The following ARHGAP12 variants were observed in gnomAD, a reference collection of about 807,000 sequenced individuals.
ARHGAP12 encodes the protein rho GTPase-activating protein 12.
In ARHGAP12, 64 loss-of-function variants were observed where a neutral mutation model predicts 108.6. The observed-to-expected ratio is 0.59, with a 90% CI of 0.48 to 0.73. The LOEUF (loss-of-function observed/expected upper bound fraction) is 0.73, where lower values mean the gene tolerates loss of function less well. Among genes scored for constraint, ARHGAP12 ranks in the 30% least tolerant of loss-of-function variants. The pLI, the probability that ARHGAP12 is intolerant of heterozygous loss-of-function variation, is 0.00. For missense variants in ARHGAP12, 940 were observed against 1,005.9 expected (o/e 0.93, Z 0.89); for synonymous variants, 312 against 337.2 (o/e 0.93, Z 0.82).
At chr10:31,910,960 A>G (rs771498141) in intron 1 of ARHGAP12, among the ~76,000 whole-genome samples, 3 of 152,232 alleles carry the variant, frequency 2.0e-5, no homozygotes, top group Non-Finnish European at 4.4e-5. Context: ...ACGTATGTTA[A>G]AAGTTATTAG....
At chr10:31,887,451 A>G (rs1008960155) in intron 3 of ARHGAP12, among the ~76,000 whole-genome samples, 7 of 152,174 alleles carry the variant, frequency 4.6e-5, no homozygotes, top group Non-Finnish European at 7.3e-5. Flanking sequence ...TCACAAGTTC[A>G]CCCCTTGCCA....
intron 12 of ARHGAP12, 69 bp downstream of exon 12, chr10:31,820,318 T>C (rs904384951): frequency 6.3e-6 from 8 of 1,275,416 alleles, no homozygotes; most frequent in Non-Finnish European, 8.6e-6. Flanking sequence ...TTTCCCAAAA[T>C]AGCTCAAAAA....
intron 9 of ARHGAP12, among the ~76,000 whole-genome samples, chr10:31,835,390 T>C (rs538396329): frequency 2.0e-4 from 30 of 152,282 alleles, no homozygotes; most frequent in African/African-American, 7.2e-4. Context: ...TTGGTCTAAG[T>C]ATTTGATACT....
rs1413385667 is a variant in ARHGAP12, at chr10:31,861,543, A to C, written c.800T>G (p.Ile267Ser). Reference protein sequence around the residue: ...PPLPGSPAIQINGEWETHKDS... With the variant: ...PPLPGSPAIQSNGEWETHKDS... ...TTTATGAGTTTCCCATTCTCCATTA[A>C]TCTGAATTGCCGGGCTCCCAGGAAG... is the stretch of plus-strand genomic sequence containing the variant. Residue 267 changes from isoleucine (I) to serine (S), a missense_variant, in exon 4 of 20, where the codon ATT (isoleucine) becomes AGT (serine). Coordinates refer to ENST00000344936, the MANE Select transcript of ARHGAP12 (RefSeq NM_018287.7). 6.2e-7 allele frequency: 1 copy of C among 1,614,184 alleles called. No individual in the cohort carries two copies.
At chr10:31,895,950 G>A (rs1050809740) in intron 3 of ARHGAP12, among the ~76,000 whole-genome samples, 3 of 152,132 alleles carry the variant, frequency 2.0e-5, no homozygotes, top group African/African-American at 7.2e-5. Flanking sequence ...GGACATGGAT[G>A]AAGCTGGAAA....
chr10:31,820,473 A>G lies in ARHGAP12; in HGVS notation c.1546T>C (p.Ser516Pro), dbSNP rs759687541. The G allele has an allele frequency of 1.9e-6, 3 of 1,599,428 alleles. No individual in the cohort carries two copies. The highest frequency in any genetic ancestry group is 4.5e-5 in the East Asian group (2 of 44,220). The change falls in exon 12 of 20, where the codon TCC becomes CCC. Residue 516 changes from serine to proline, a missense_variant. Transcript: ENST00000344936. ...AGGTCCACTGTGAACTCTGGTTTGG[A>G]CTGATTACTGCCAAACTTCATTTTT... ...SSTSWFGSNQ[S>P]KPEFTVDLKG...
chr10:31,830,685 G>C lies in ARHGAP12; in HGVS notation c.1448+1054C>G, dbSNP rs114655227. 3.4e-3 allele frequency among the ~76,000 whole-genome samples: 515 copies of C among 152,174 alleles called. 2 individuals are homozygous for C. Among genetic ancestry groups the C allele is most frequent in the African/African-American group, 0.012 (486 of 41,532 alleles). On this transcript the variant is annotated intron_variant, in intron 10 of 19. Transcript: ENST00000344936. ...TTAAATGCAACTTATACTGCACAGA[G>C]TTAATTTCCTTAAATCACTAGGAGG...
chr10:31,837,349 T>G (rs1172635914), intron 9 of ARHGAP12, among the ~76,000 whole-genome samples: 2 of 152,246 alleles, frequency 1.3e-5, no homozygotes, highest in Non-Finnish European at 2.9e-5. Context: ...AATGTTTATG[T>G]ACCCAGTACT....
In ARHGAP12 at chr10:31,909,456, C is replaced by T. The variant is rs187144557; in HGVS notation, c.-71-530G>A. Among the ~76,000 whole-genome samples, 123 of 152,216 alleles carry T rather than the reference C, an allele frequency of 8.1e-4. 1 individual carries two copies. The highest frequency in any genetic ancestry group is 3.4e-3 in the Admixed American group (52 of 15,276). ...CACCTGTTTGGGGATGAATTGTGTTCCCCCAAAAGACAGTTCAAGTCCTAA... is the reference window on the plus strand; with the variant it reads ...CACCTGTTTGGGGATGAATTGTGTTTCCCCAAAAGACAGTTCAAGTCCTAA... On this transcript the variant is annotated intron_variant, in intron 2 of 19. Transcript: ENST00000344936.
intron 4 of ARHGAP12, among the ~76,000 whole-genome samples, chr10:31,858,973 C>A (rs960574735): frequency 6.8e-6 from 1 of 148,056 alleles, no homozygotes; most frequent in African/African-American, 2.5e-5. Flanking sequence ...CTGACGGTAT[C>A]AGGTATCTGT....
chr10:31,852,887 T>C (rs922087675), intron 5 of ARHGAP12, among the ~76,000 whole-genome samples: 13 of 151,974 alleles, frequency 8.6e-5, no homozygotes, highest in Non-Finnish European at 1.3e-4. Flanking sequence ...CCACCACGCC[T>C]GGCTAATTTT....
At chr10:31,893,695 G>T (rs1256095667) in intron 3 of ARHGAP12, among the ~76,000 whole-genome samples, 1 of 152,150 alleles carries the variant, frequency 6.6e-6, no homozygotes, top group Non-Finnish European at 1.5e-5. Flanking sequence ...CATTTCTTCT[G>T]AAACTATTCC....
intron 3 of ARHGAP12, among the ~76,000 whole-genome samples, chr10:31,862,705 GACACACACA>G (rs1837166407): frequency 7.5e-6 from 1 of 133,096 alleles, no homozygotes; most frequent in African/African-American, 2.9e-5. Flanking sequence ...TGCACACACA[GACACACACA>G]CACACACACA....
At chr10:31,877,213 G>A (rs904654049) in intron 3 of ARHGAP12, among the ~76,000 whole-genome samples, 12 of 152,308 alleles carry the variant, frequency 7.9e-5, no homozygotes, top group South Asian at 2.1e-4. Flanking sequence ...GCATAAAGAC[G>A]CCTGGTTCCT....
chr10:31,820,409 G>T lies in ARHGAP12; in HGVS notation c.1610C>A (p.Ser537Tyr). The change falls in exon 12 of 20, where the codon TCC becomes TAC. Residue 537 changes from serine (S) to tyrosine (Y), a missense_variant. Ser to Tyr is a moderately radical substitution (Grantham distance 144). Transcript: ENST00000344936. ...ATIEMASKDK[S>Y]SKKNVFELKT... ...TACCTCAAATACATTCTTTTTGCTG[G>T]ATTTATCCTTTGAAGCCATCTCAAT... The T allele has an allele frequency of 6.2e-7, 1 of 1,611,036 alleles. No homozygotes were observed. Among genetic ancestry groups the T allele is most frequent in the Non-Finnish European group, 8.5e-7 (1 of 1,178,630 alleles).
intron 3 of ARHGAP12, among the ~76,000 whole-genome samples, chr10:31,876,749 T>C (rs945804689): frequency 2.6e-5 from 4 of 152,172 alleles, no homozygotes; most frequent in East Asian, 1.9e-4. Flanking sequence ...TATTTCAAAG[T>C]GCAGGAAACA....
At chr10:31,899,133 T>C (rs889444585) in intron 3 of ARHGAP12, among the ~76,000 whole-genome samples, 1 of 152,146 alleles carries the variant, frequency 6.6e-6, no homozygotes, top group African/African-American at 2.4e-5. Flanking sequence ...TCTATGGAGA[T>C]AGAGAATAGA....
intron 3 of ARHGAP12, among the ~76,000 whole-genome samples, chr10:31,879,231 T>A (rs1440003118): frequency 6.6e-6 from 1 of 152,082 alleles, no homozygotes; most frequent in Non-Finnish European, 1.5e-5. Context: ...GGCAACATGA[T>A]GAAACCCCAT....
At chr10:31,874,156 G>A (rs1342707821) in intron 3 of ARHGAP12, among the ~76,000 whole-genome samples, 2 of 152,174 alleles carry the variant, frequency 1.3e-5, no homozygotes, top group African/African-American at 2.4e-5. Flanking sequence ...GCTTCTGGTG[G>A]CAGCAAAACA....
Sources: gnomAD v4.1 joint callset for allele counts (sites outside exome capture counted in the v4.1 genomes callset) on GRCh38, gnomAD v4.1.1 for gene constraint, MANE v1.5 for transcripts, NCBI Gene and HGNC (gene_info 2026-07-23, HGNC 2026-07-21) for gene names.